Variants in CDH6 observed in about 807,000 individuals in gnomAD.
CDH6 encodes cadherin 6, also known as cadherin-6.
A neutral mutation model predicts 78.0 loss-of-function variants in CDH6; 31 were observed. The ratio of observed to expected loss-of-function variants is 0.40; its 90% confidence interval spans 0.30 to 0.54. The LOEUF is 0.54. Ranked by LOEUF, CDH6 falls within the 20% of genes least tolerant of loss-of-function variation. The probability of loss-of-function intolerance (pLI) is 0.56; values close to 1 mark genes in which losing one functional copy is unlikely to be tolerated. For missense variants in CDH6, 724 were observed against 975.9 expected (o/e 0.74, Z 3.44); for synonymous variants, 376 against 368.8 (o/e 1.02, Z -0.23).
At chr5:31,211,051 C>A (rs1740691358) in intron 1 of CDH6, among the ~76,000 whole-genome samples, 1 of 152,132 alleles carries the variant, frequency 6.6e-6, no homozygotes, top group African/African-American at 2.4e-5. Context: ...GACCTCTGTT[C>A]CTATCTTTTA....
At position 31,217,768 on chromosome 5, in the gene CDH6, A is replaced by G. The variant is rs1443836592; in HGVS notation, c.-129+23882A>G. Among the ~76,000 whole-genome samples, 2 of 152,190 alleles carry G rather than the reference A, an allele frequency of 1.3e-5. 1 individual carries two copies. The highest frequency in any genetic ancestry group is 3.8e-4 in the East Asian group (2 of 5,196). On this transcript the variant is annotated intron_variant, in intron 1 of 11. Coordinates refer to ENST00000265071, the MANE Select transcript of CDH6 (RefSeq NM_004932.4). ...ATATAAAGCCTCTAGGAGTAAGAGA[A>G]TAAATCCAAGTCCCAGGCCCAGCTC... is the stretch of plus-strand genomic sequence containing the variant.
chr5:31,276,151 G>A (rs746020920), intron 2 of CDH6, among the ~76,000 whole-genome samples: 3 of 152,198 alleles, frequency 2.0e-5, no homozygotes, highest in African/African-American at 7.2e-5. Context: ...ATACATCAGC[G>A]TTCTTTGCAA....
intron 7 of CDH6, among the ~76,000 whole-genome samples, chr5:31,311,963 A>G (rs1738170420): frequency 6.6e-6 from 1 of 152,334 alleles, no homozygotes; most frequent in East Asian, 1.9e-4. Flanking sequence ...CTAGTCTTCC[A>G]TCAGTATTAG....
At chr5:31,321,021 C>T (rs1159414527) in intron 11 of CDH6, among the ~76,000 whole-genome samples, 2 of 151,360 alleles carry the variant, frequency 1.3e-5, no homozygotes, top group Non-Finnish European at 2.9e-5. Flanking sequence ...CATATGGGCT[C>T]CTCAAACATA....
intron 1 of CDH6, among the ~76,000 whole-genome samples, chr5:31,254,699 A>G (rs1174365775): frequency 1.3e-5 from 2 of 152,240 alleles, no homozygotes; most frequent in African/African-American, 4.8e-5. Flanking sequence ...TGATATTGAT[A>G]ATTAGTGCGA....
At chr5:31,300,955 TACA>T (rs547141109) in intron 5 of CDH6, among the ~76,000 whole-genome samples, 210 of 152,278 alleles carry the variant, frequency 1.4e-3, no homozygotes, top group African/African-American at 4.4e-3. Context: ...ACCCTGTGTC[TACA>T]ACAAGTAAAA....
chr5:31,302,292 C>A lies in CDH6; in HGVS notation c.993C>A (p.Val331=). 8 of 1,609,204 alleles carry A rather than the reference C, an allele frequency of 5.0e-6. No individual in the cohort carries two copies. The highest frequency in any genetic ancestry group is 6.8e-6 in the Non-Finnish European group (8 of 1,176,504). ...DQETQEGIIT[V]KKLLDFEKKK... ...AAACCCAGGAAGGGATTATAACTGT[C>A]AAAAAGGTAATGCCGCTTCTTAAAC... The change falls in exon 6 of 12, where the codon GTC becomes GTA. Residue 331 remains valine (V), a synonymous_variant. Transcript: ENST00000265071.
At chr5:31,264,763 G>A (rs1254333163) in intron 1 of CDH6, among the ~76,000 whole-genome samples, 1 of 152,178 alleles carries the variant, frequency 6.6e-6, no homozygotes, top group Non-Finnish European at 1.5e-5. Flanking sequence ...GAACTGGGTT[G>A]TAGCAAAATT....
chr5:31,304,778 A>G (rs931155766), intron 6 of CDH6, among the ~76,000 whole-genome samples: 3 of 151,112 alleles, frequency 2.0e-5, no homozygotes, highest in Non-Finnish European at 4.4e-5. Flanking sequence ...GGCCCCCTCT[A>G]GTGAAACATG....
At chr5:31,316,125 TGAA>T in intron 8 of CDH6, 80 bp from the exon 9 acceptor site, 2 of 1,424,574 alleles carry the variant, frequency 1.4e-6, no homozygotes, top group Non-Finnish European at 1.9e-6. Flanking sequence ...TGAATGAGAA[TGAA>T]GGAGTTGAGC....
chr5:31,317,990 C>G (rs1339603947), intron 11 of CDH6, 66 bp downstream of exon 11: 1 of 1,561,710 alleles, frequency 6.4e-7, no homozygotes, highest in Non-Finnish European at 8.7e-7. Flanking sequence ...CTGTGACACT[C>G]TAGATTTATC....
intron 1 of CDH6, among the ~76,000 whole-genome samples, chr5:31,262,730 G>C (rs1227411037): frequency 1.3e-5 from 2 of 152,232 alleles, no homozygotes; most frequent in East Asian, 3.9e-4. Context: ...AACCCTGCCT[G>C]CTATTTTAAG....
intron 1 of CDH6, among the ~76,000 whole-genome samples, chr5:31,243,420 A>G (rs1741658271): frequency 6.6e-6 from 1 of 152,220 alleles, no homozygotes; most frequent in African/African-American, 2.4e-5. Flanking sequence ...GGGGTTTCAG[A>G]ATATTCAGCT....
At chr5:31,266,219 C>T (rs564360273) in intron 1 of CDH6, among the ~76,000 whole-genome samples, 2 of 152,128 alleles carry the variant, frequency 1.3e-5, no homozygotes, top group African/African-American at 2.4e-5. Context: ...TTTGGGACAT[C>T]TGTACCAAGC....
At chr5:31,290,699 T>C (rs1021750594) in intron 2 of CDH6, among the ~76,000 whole-genome samples, 3 of 152,134 alleles carry the variant, frequency 2.0e-5, no homozygotes, top group African/African-American at 7.2e-5. Flanking sequence ...CCAGGGGAGT[T>C]TGATGGCAGA....
chr5:31,204,064 CA>C (rs1483494595), intron 1 of CDH6, among the ~76,000 whole-genome samples: 2 of 152,178 alleles, frequency 1.3e-5, no homozygotes, highest in African/African-American at 4.8e-5. Context: ...GCATTCATAG[CA>C]AATGCTATTA....
At chr5:31,203,764 G>A (rs1740436995) in intron 1 of CDH6, among the ~76,000 whole-genome samples, 1 of 151,674 alleles carries the variant, frequency 6.6e-6, no homozygotes, top group African/African-American at 2.4e-5. Context: ...TATATACCCA[G>A]TAATGGGATG....
At chr5:31,282,314 C>T (rs1047727639) in intron 2 of CDH6, among the ~76,000 whole-genome samples, 1 of 152,180 alleles carries the variant, frequency 6.6e-6, no homozygotes, top group African/African-American at 2.4e-5. Flanking sequence ...TAGATACCAC[C>T]TGCATTCTTT....
chr5:31,298,904 T>TTGA (rs1737679149), intron 4 of CDH6, among the ~76,000 whole-genome samples: 1 of 152,182 alleles, frequency 6.6e-6, no homozygotes, highest in Non-Finnish European at 1.5e-5. Flanking sequence ...TATGAGAGAA[T>TTGA]TGATGTTCTA....
Sources: gnomAD v4.1 joint callset for allele counts (sites outside exome capture counted in the v4.1 genomes callset) on GRCh38, gnomAD v4.1.1 for gene constraint, MANE v1.5 for transcripts, NCBI Gene and HGNC (gene_info 2026-07-23, HGNC 2026-07-21) for gene names.